The following TMEM19 variants were observed in gnomAD, a reference collection of about 807,000 sequenced individuals.
The protein encoded by TMEM19 is transmembrane protein 19.
TMEM19 carries 21 observed loss-of-function variants against 33.6 expected under a neutral mutation model. The observed-to-expected ratio is 0.62, with a 90% CI of 0.44 to 0.90. The LOEUF (loss-of-function observed/expected upper bound fraction) is 0.90. TMEM19 is among the 40% of genes least tolerant of loss of function. The probability of loss-of-function intolerance (pLI) is 0.00; values close to 1 mark genes in which losing one functional copy is unlikely to be tolerated. For synonymous variants in TMEM19, 149 were observed against 147.5 expected (o/e 1.01, Z -0.07); for missense variants, 402 against 401.8 (o/e 1.00, Z 0.00).
intron 1 of TMEM19, among the ~76,000 whole-genome samples, chr12:71,689,353 C>T (rs987407897): frequency 6.6e-6 from 1 of 152,190 alleles, no homozygotes; most frequent in Non-Finnish European, 1.5e-5. Context: ...GCTCTACCAT[C>T]TAGGTGTGTG....
rs1881966116 is a variant in TMEM19, at chr12:71,700,900, C to A, written c.916C>A (p.Pro306Thr). 1 of 1,613,656 alleles carries A rather than the reference C, an allele frequency of 6.2e-7. No individual in the cohort carries two copies. Among genetic ancestry groups the A allele is most frequent in the African/African-American group, 1.3e-5 (1 of 74,894 alleles). ...TAAGGCAAGGCACATAGCAGGGAAA[C>A]CCATTCTTGATAACAACGCAGTGAA... ...TNKARHIAGK[P>T]ILDNNAVNLF... The change falls in exon 6 of 6, where the codon CCC becomes ACC. Residue 306 changes from proline (P) to threonine (T), a missense_variant. Pro to Thr is a conservative substitution (Grantham distance 38). Coordinates refer to ENST00000266673, the MANE Select transcript of TMEM19 (RefSeq NM_018279.4).
In TMEM19 at chr12:71,704,310, T is replaced by C. The variant is rs1003710284; in HGVS notation, c.*3315T>C. On this transcript the variant is annotated 3_prime_UTR_variant, in exon 6 of 6. Coordinates refer to ENST00000266673, the MANE Select transcript of TMEM19 (RefSeq NM_018279.4). The stretch of plus-strand genomic sequence containing the variant: ...ACACATAGGATGCTGCCTGCAGAAA[T>C]AGCAGCCCCGCCCCAATTAGATAAA... The C allele has an allele frequency of 6.1e-6, 1 of 163,472 alleles. No individual in the cohort carries two copies. The highest frequency in any genetic ancestry group is 1.3e-5 in the Non-Finnish European group (1 of 74,410). 10.1% of individuals were successfully genotyped at this position (163,472 alleles called of 1,614,324 possible).
chr12:71,700,656 T>G (rs1250450017), intron 5 of TMEM19, among the ~76,000 whole-genome samples, 176 bp from the exon 6 acceptor site: 1 of 152,030 alleles, frequency 6.6e-6, no homozygotes, highest in Non-Finnish European at 1.5e-5. Context: ...GCAAGTCACT[T>G]AGAACCTTTC....
At chr12:71,692,509 T>A (rs1280515305) in intron 2 of TMEM19, among the ~76,000 whole-genome samples, 1 of 152,248 alleles carries the variant, frequency 6.6e-6, no homozygotes, top group Admixed American at 6.5e-5. Context: ...TTGAATAGGA[T>A]TCAAATCTCA....
At chr12:71,687,934 G>T (rs896823800) in intron 1 of TMEM19, among the ~76,000 whole-genome samples, 12 of 152,180 alleles carry the variant, frequency 7.9e-5, no homozygotes, top group African/African-American at 2.9e-4. Context: ...TGAATAGTTG[G>T]AAAGGGTTCT....
chr12:71,694,025 T>C lies in TMEM19; in HGVS notation c.245-2411T>C, dbSNP rs77507540. Among the ~76,000 whole-genome samples the C allele has an allele frequency of 5.6e-3, 857 of 152,316 alleles. 10 individuals are homozygous for C. Among genetic ancestry groups the C allele is most frequent in the African/African-American group, 0.02 (815 of 41,572 alleles). On this transcript the variant is annotated intron_variant, in intron 2 of 5. Coordinates refer to ENST00000266673, the MANE Select transcript of TMEM19 (RefSeq NM_018279.4). ...GACAGCAGACTAATACACACAGTTA[T>C]AAGAAATTTTACTTTGCTACATCAT...
Sources: gnomAD v4.1 joint callset for allele counts (sites outside exome capture counted in the v4.1 genomes callset) on GRCh38, gnomAD v4.1.1 for gene constraint, MANE v1.5 for transcripts, NCBI Gene and HGNC (gene_info 2026-07-23, HGNC 2026-07-21) for gene names.